SGIP1: variants seen among roughly 807,000 people sequenced by gnomAD.
The protein encoded by SGIP1 is SH3GL interacting endocytic adaptor 1, also known as SH3-containing GRB2-like protein 3-interacting protein 1.
A neutral mutation model predicts 107.5 loss-of-function variants in SGIP1; 38 were observed. That is an observed-to-expected ratio of 0.35 (90% CI 0.27 to 0.46). The LOEUF (loss-of-function observed/expected upper bound fraction) is 0.46. Ranked by LOEUF, SGIP1 falls within the 20% of genes least tolerant of loss-of-function variation. The probability of loss-of-function intolerance (pLI) is 1.00; values close to 1 mark genes in which losing one functional copy is unlikely to be tolerated. For missense variants in SGIP1, 929 were observed against 1,019.5 expected, an observed-to-expected ratio of 0.91 and a Z score of 1.21; for synonymous variants, 365 against 366.1, an observed-to-expected ratio of 1.00 and a Z score of 0.03.
intron 18 of SGIP1, among the ~76,000 whole-genome samples, chr1:66,713,659 T>C (rs1557722420): frequency 6.6e-6 from 1 of 152,122 alleles, no homozygotes; most frequent in Non-Finnish European, 1.5e-5. Context: ...ATAAACTCCA[T>C]AGGGGGAAGG....
chr1:66,601,137 G>A (rs1411654752), intron 1 of SGIP1, among the ~76,000 whole-genome samples: 2 of 152,170 alleles, frequency 1.3e-5, no homozygotes, highest in African/African-American at 4.8e-5. Context: ...GCCGAGGCGG[G>A]CGGATCAAGA....
intron 19 of SGIP1, among the ~76,000 whole-genome samples, chr1:66,722,512 G>A (rs747392045): frequency 6.6e-6 from 1 of 152,118 alleles, no homozygotes; most frequent in Non-Finnish European, 1.5e-5. Flanking sequence ...CATATTTGCT[G>A]AACAAGTTGA....
chr1:66,610,245 G>A (rs2067691195), intron 1 of SGIP1, among the ~76,000 whole-genome samples: 1 of 152,094 alleles, frequency 6.6e-6, no homozygotes, highest in Non-Finnish European at 1.5e-5. Flanking sequence ...CAGAAACTAG[G>A]TATGAGTTTG....
rs915607651 is a variant in SGIP1, at chr1:66,750,737, C to G, written c.*7642C>G. Among the ~76,000 whole-genome samples the G allele has an allele frequency of 1.3e-5, 2 of 151,398 alleles. No homozygotes were observed. Among genetic ancestry groups the G allele is most frequent in the Admixed American group, 6.6e-5 (1 of 15,198 alleles). ...TAATGAAAGCTTTACTGCTTCTATG[C>G]TGTGCTCAAGAGAAAACCAACAACG... On this transcript the variant is annotated 3_prime_UTR_variant, in exon 25 of 25. Transcript: ENST00000371037.
chr1:66,638,360 A>G (rs2076182154), intron 4 of SGIP1, among the ~76,000 whole-genome samples: 1 of 152,228 alleles, frequency 6.6e-6, no homozygotes, highest in Admixed American at 6.5e-5. Flanking sequence ...CAGGTTTTAC[A>G]AAGACCTTTG....
chr1:66,690,312 A>T lies in SGIP1; in HGVS notation c.1566A>T (p.Thr522=). 6.2e-7 allele frequency: 1 copy of T among 1,614,058 alleles called. No individual in the cohort carries two copies. Among genetic ancestry groups the T allele is most frequent in the Non-Finnish European group, 8.5e-7 (1 of 1,179,990 alleles). Residue 522 remains threonine (T), a synonymous_variant, in exon 17 of 25, where the codon ACA becomes ACT. Coordinates refer to ENST00000371037, the MANE Select transcript of SGIP1 (RefSeq NM_032291.4). ...TNSLSAATTP[T]VENEQPSLVW... Reference sequence around the variant, plus strand: ...CCTTGAGCGCAGCCACCACTCCCACAGTTGGTAAAAATTCTCTCCTCTCTT... The same window carrying T: ...CCTTGAGCGCAGCCACCACTCCCACTGTTGGTAAAAATTCTCTCCTCTCTT...
At chr1:66,711,109 T>G (rs2092887338) in intron 18 of SGIP1, among the ~76,000 whole-genome samples, 1 of 152,196 alleles carries the variant, frequency 6.6e-6, no homozygotes, top group African/African-American at 2.4e-5. Context: ...ACTTTGTTAA[T>G]AAAATATCCT....
At chr1:66,613,208 A>G (rs553792034) in intron 1 of SGIP1, among the ~76,000 whole-genome samples, 1 of 152,308 alleles carries the variant, frequency 6.6e-6, no homozygotes, top group East Asian at 1.9e-4. Flanking sequence ...TTCTGGCACT[A>G]GGTAATAGAC....
intron 7 of SGIP1, among the ~76,000 whole-genome samples, chr1:66,645,815 T>C (rs2077550845): frequency 6.6e-6 from 1 of 152,138 alleles, no homozygotes; most frequent in Admixed American, 6.5e-5. Flanking sequence ...CGTGTGTAAA[T>C]ATAGATAGAT....
intron 8 of SGIP1, among the ~76,000 whole-genome samples, chr1:66,661,434 T>C (rs2081449537): frequency 6.6e-6 from 1 of 152,148 alleles, no homozygotes. Flanking sequence ...ATACTGTGCT[T>C]ACAGAAAAGC....
chr1:66,642,410 CCTGT>C (rs1259461582), intron 5 of SGIP1, among the ~76,000 whole-genome samples: 1 of 152,150 alleles, frequency 6.6e-6, no homozygotes, highest in Non-Finnish European at 1.5e-5. Context: ...TTCTTGGAAC[CCTGT>C]CTAACACAGG....
At chr1:66,660,290 G>T in intron 7 of SGIP1, 1 of 557,268 alleles carries the variant, frequency 1.8e-6, no homozygotes, top group Non-Finnish European at 3.1e-6. Context: ...AATGTGCTCA[G>T]ATGCCCAGAT....
intron 1 of SGIP1, among the ~76,000 whole-genome samples, chr1:66,609,044 A>ACTTATATCCCACAGGGATGAAGGTCC: frequency 6.6e-6 from 1 of 152,190 alleles, no homozygotes; most frequent in African/African-American, 2.4e-5. Context: ...GATGAAGGTC[A>ACTTATATCCCACAGGGATGAAGGTCC]CTTTTGACAC....
chr1:66,710,643 A>G (rs2092852876), intron 18 of SGIP1, among the ~76,000 whole-genome samples: 1 of 152,164 alleles, frequency 6.6e-6, no homozygotes, highest in Non-Finnish European at 1.5e-5. Context: ...ATTTTCCCAT[A>G]AACATCTGGT....
intron 18 of SGIP1, among the ~76,000 whole-genome samples, chr1:66,700,366 ATC>A (rs2091705608): frequency 8.7e-6 from 1 of 114,396 alleles, no homozygotes; most frequent in Non-Finnish European, 1.8e-5. Flanking sequence ...GTGAGACTCC[ATC>A]TCAAAAAAAA....
At position 66,612,670 on chromosome 1, in the gene SGIP1, G is replaced by C. The variant is rs541027985; in HGVS notation, c.11-13177G>C. 2.6e-4 allele frequency among the ~76,000 whole-genome samples: 40 copies of C among 152,280 alleles called. No homozygotes were observed. In the South Asian group the frequency reaches 8.1e-3, roughly 31 times the overall value. On this transcript the variant is annotated intron_variant, in intron 1 of 24. Coordinates refer to ENST00000371037, the MANE Select transcript of SGIP1 (RefSeq NM_032291.4). ...ACAATAATCATGTGAAGAAGGCATA[G>C]AATGTGAATTCTTGAGAGATTAAAT...
At chr1:66,724,031 T>A (rs1160152363) in intron 19 of SGIP1, among the ~76,000 whole-genome samples, 2 of 152,242 alleles carry the variant, frequency 1.3e-5, no homozygotes, top group African/African-American at 4.8e-5. Flanking sequence ...GAAAGGGAAT[T>A]GTAAAGAAAA....
At chr1:66,580,304 T>C (rs1266066668) in intron 1 of SGIP1, among the ~76,000 whole-genome samples, 2 of 152,182 alleles carry the variant, frequency 1.3e-5, no homozygotes, top group African/African-American at 4.8e-5. Context: ...AGGGTTTTGC[T>C]GTTTCCTGTA....
At chr1:66,733,255 G>A (rs1315573224) in intron 20 of SGIP1, among the ~76,000 whole-genome samples, 1 of 152,150 alleles carries the variant, frequency 6.6e-6, no homozygotes, top group Non-Finnish European at 1.5e-5. Flanking sequence ...GGTAATTTTA[G>A]TATCACTCTT....
Sources: allele counts gnomAD v4.1 joint callset (sites outside exome capture counted in the v4.1 genomes callset), GRCh38; gene constraint gnomAD v4.1.1; transcripts MANE v1.5; gene names NCBI Gene and HGNC (gene_info 2026-07-23, HGNC 2026-07-21).